Variants in CCDC88A observed in about 807,000 individuals in gnomAD.
CCDC88A encodes the protein coiled-coil and HOOK domain protein 88A, also known as girdin.
Under a neutral mutation model 234.3 loss-of-function variants are expected in CCDC88A, and 54 were observed. The observed-to-expected ratio is 0.23, with a 90% CI of 0.19 to 0.29. The LOEUF (loss-of-function observed/expected upper bound fraction) is 0.29. CCDC88A is among the 10% of genes least tolerant of loss of function. CCDC88A has a pLI of 1.00. For synonymous variants in CCDC88A, 753 were observed against 737.8 expected (o/e 1.02, Z -0.33); for missense variants, 1,832 against 2,123.4 (o/e 0.86, Z 2.70).
chr2:55,311,572 GT>G (rs1682357001), intron 23 of CCDC88A, among the ~76,000 whole-genome samples: 2 of 152,204 alleles, frequency 1.3e-5, no homozygotes, highest in African/African-American at 4.8e-5. Context: ...GAAATGACTA[GT>G]CTGTGGTCAC....
intron 19 of CCDC88A, 115 bp downstream of exon 19, chr2:55,318,728 T>C: frequency 1.2e-6 from 1 of 805,596 alleles, no homozygotes; most frequent in Non-Finnish European, 1.8e-6. Context: ...AAAAATATTT[T>C]CATTTATCTT....
chr2:55,304,070 A>G (rs1681227409), intron 25 of CCDC88A, among the ~76,000 whole-genome samples: 2 of 152,196 alleles, frequency 1.3e-5, no homozygotes, highest in Admixed American at 6.5e-5. Context: ...GGATTTTGGG[A>G]GGCCAAGGCA....
At chr2:55,384,978 G>A (rs1311431743) in intron 3 of CCDC88A, among the ~76,000 whole-genome samples, 1 of 151,940 alleles carries the variant, frequency 6.6e-6, no homozygotes. Flanking sequence ...AAATAAAGGT[G>A]ATTCAGGGTT....
intron 25 of CCDC88A, among the ~76,000 whole-genome samples, chr2:55,303,890 A>G (rs13421090): frequency 0.024 from 3,585 of 152,320 alleles, 135 homozygotes; most frequent in African/African-American, 0.075. Context: ...CTTTTTAAAC[A>G]TAAGTTAAAA....
At position 55,309,098 on chromosome 2, in the gene CCDC88A, A is replaced by G; in HGVS notation, c.4172+64T>C. 3.5e-6 allele frequency: 5 copies of G among 1,438,970 alleles called. No individual in the cohort carries two copies. In the South Asian group the frequency reaches 4.7e-5, roughly 14 times the overall value. 89.1% of individuals were successfully genotyped at this position (1,438,970 alleles called of 1,614,324 possible). ...CCTTCACAAAAGTAGAAGTCATCAC[A>G]ATATTAGAAATAACCTAGTGTTTTT... On this transcript the variant is annotated intron_variant, in intron 24 of 32. Transcript: ENST00000436346. This position sits in a 1 kb window ranked among gnomAD's most constrained non-coding sequence, Gnocchi z 5.1.
intron 7 of CCDC88A, among the ~76,000 whole-genome samples, chr2:55,357,099 TAAC>T (rs1574263637): frequency 6.6e-6 from 1 of 152,228 alleles, no homozygotes; most frequent in East Asian, 1.9e-4. Context: ...TGGAGGGTCC[TAAC>T]AATACCTCAA....
intron 14 of CCDC88A, among the ~76,000 whole-genome samples, chr2:55,336,127 G>A (rs1233902751): frequency 6.6e-6 from 1 of 152,150 alleles, no homozygotes; most frequent in Non-Finnish European, 1.5e-5. Flanking sequence ...CTAGGTGTTC[G>A]AGGTTGCAGT....
intron 2 of CCDC88A, chr2:55,399,600 T>C (rs1219843373): frequency 6.6e-6 from 1 of 152,112 alleles, no homozygotes; most frequent in Non-Finnish European, 1.5e-5. Context: ...AGAGAATTTT[T>C]GTTTGTCACT....
chr2:55,366,443 C>T (rs1350807914), intron 5 of CCDC88A, among the ~76,000 whole-genome samples: 1 of 151,772 alleles, frequency 6.6e-6, no homozygotes, highest in East Asian at 1.9e-4. Context: ...AGAAGAATTG[C>T]TTGAACCCAG....
chr2:55,396,869 C>CAA (rs34500780), intron 2 of CCDC88A, among the ~76,000 whole-genome samples: 168 of 58,554 alleles, frequency 2.9e-3, no homozygotes, highest in Middle Eastern at 0.019. Context: ...GACTCCATCT[C>CAA]AAAAAAAAAA....
rs200145180 is a variant in CCDC88A, at chr2:55,371,777, C to T, written c.402+675G>A. ...TTGGGATTACAGGCATGAGCCACCA[C>T]GCCTAGCCCACTCTATAATTATTAA... On this transcript the variant is annotated intron_variant, in intron 5 of 32. Coordinates refer to ENST00000436346, the MANE Select transcript of CCDC88A (RefSeq NM_001365480.1). Among the ~76,000 whole-genome samples, 19 of 95,612 alleles carry T rather than the reference C, an allele frequency of 2.0e-4. No individual in the cohort carries two copies. In the East Asian group the frequency reaches 3.2e-3, roughly 16 times the overall value. 62.7% of individuals were successfully genotyped at this position (95,612 alleles called of 152,430 possible). A position where few individuals can be genotyped will look rare whatever the true frequency, so the allele number is the denominator to read the frequency against.
At chr2:55,409,380 A>T (rs1680092882) in intron 2 of CCDC88A, among the ~76,000 whole-genome samples, 1 of 152,198 alleles carries the variant, frequency 6.6e-6, no homozygotes, top group African/African-American at 2.4e-5. Flanking sequence ...TCCTCCAAGA[A>T]GCCTTTCCTC....
At chr2:55,315,052 A>G (rs984132626) in intron 22 of CCDC88A, 2 of 152,230 alleles carry the variant, frequency 1.3e-5, no homozygotes, top group Admixed American at 6.5e-5. Context: ...GACATGTGGA[A>G]TCTTATGAAG....
intron 8 of CCDC88A, among the ~76,000 whole-genome samples, chr2:55,353,342 A>G (rs187504348): frequency 3.4e-4 from 52 of 152,350 alleles, no homozygotes; most frequent in Non-Finnish European, 4.9e-4. Flanking sequence ...TTCACTATTT[A>G]GACTATCCAT....
intron 8 of CCDC88A, among the ~76,000 whole-genome samples, chr2:55,353,906 T>C (rs1670217191): frequency 6.6e-6 from 1 of 152,138 alleles, no homozygotes. Context: ...GTTAGGCGAT[T>C]TCATCACTGG....
In CCDC88A at chr2:55,419,491, A is replaced by C; in HGVS notation, c.-412T>G. Reference sequence around the variant, plus strand: ...AACGGGGGCTAAATGAAATACGTTAAACAGAGACCACGTTAAGGATACCGA... The same window carrying C: ...AACGGGGGCTAAATGAAATACGTTACACAGAGACCACGTTAAGGATACCGA... On this transcript the variant is annotated 5_prime_UTR_variant, in exon 1 of 33. Transcript: ENST00000436346. 1 of 182,792 alleles carries C rather than the reference A, an allele frequency of 5.5e-6. No individual in the cohort carries two copies. The highest frequency in any genetic ancestry group is 1.2e-5 in the Non-Finnish European group (1 of 86,568). The allele number at this position is 182,792 out of a possible 1,614,324, so 11.3% of individuals were successfully genotyped here. A position where few individuals can be genotyped will look rare whatever the true frequency, so the allele number is the denominator to read the frequency against.
intron 18 of CCDC88A, among the ~76,000 whole-genome samples, chr2:55,320,001 C>CA (rs1262472432): frequency 6.6e-6 from 1 of 152,062 alleles, no homozygotes; most frequent in Non-Finnish European, 1.5e-5. Flanking sequence ...CACTGCATGT[C>CA]ACTGTGTAAA....
At chr2:55,324,652 T>C (rs549026650) in intron 17 of CCDC88A, among the ~76,000 whole-genome samples, 12 of 149,316 alleles carry the variant, frequency 8.0e-5, no homozygotes, top group African/African-American at 2.6e-4. Context: ...ACCTTCTTTT[T>C]CTTTTTTTTT....
intron 2 of CCDC88A, chr2:55,394,096 A>C (rs1026823155): frequency 2.0e-5 from 3 of 151,838 alleles, no homozygotes; most frequent in African/African-American, 7.3e-5. Context: ...TTGGAACTAC[A>C]GATGTGCACT....
Sources: allele counts gnomAD v4.1 joint callset (sites outside exome capture counted in the v4.1 genomes callset), GRCh38; gene constraint gnomAD v4.1.1; non-coding constraint Gnocchi (gnomAD v3.1); transcripts MANE v1.5; gene names NCBI Gene and HGNC (gene_info 2026-07-23, HGNC 2026-07-21).